TMIGD2: variants seen among roughly 807,000 people sequenced by gnomAD.
The protein encoded by TMIGD2 is transmembrane and immunoglobulin domain containing 2.
TMIGD2 carries 18 observed loss-of-function variants against 22.6 expected under a neutral mutation model. The observed-to-expected ratio is 0.80, with a 90% CI of 0.55 to 1.18. TMIGD2 has a LOEUF of 1.18. TMIGD2 is among the 50% of genes most tolerant of loss of function. The pLI is 0.00. For synonymous variants in TMIGD2, 184 were observed against 154.1 expected (o/e 1.19, Z -1.44); for missense variants, 361 against 378.2 (o/e 0.95, Z 0.38).
chr19:4,297,204 A>C (rs540335100), intron 2 of TMIGD2, among the ~76,000 whole-genome samples: 1 of 150,986 alleles, frequency 6.6e-6, no homozygotes, highest in Non-Finnish European at 1.5e-5. Context: ...AGTAGCTGGA[A>C]TTACAGGCTC....
chr19:4,298,678 G>T (rs1971496614), intron 1 of TMIGD2, among the ~76,000 whole-genome samples: 2 of 152,150 alleles, frequency 1.3e-5, no homozygotes, highest in Non-Finnish European at 2.9e-5. Context: ...CGAGGCTGCG[G>T]TGAGCTATGA....
intron 2 of TMIGD2, among the ~76,000 whole-genome samples, chr19:4,295,095 T>C (rs1416351247): frequency 7.3e-6 from 1 of 136,964 alleles, no homozygotes. Context: ...ACCCCATCTC[T>C]ACAAAAAAAT....
intron 2 of TMIGD2, 108 bp downstream of exon 2, chr19:4,297,878 T>G: frequency 1.5e-6 from 2 of 1,355,842 alleles, no homozygotes; most frequent in Non-Finnish European, 9.7e-7. Context: ...AAAAAAAGTT[T>G]GATATGAAGA....
intron 2 of TMIGD2, 104 bp from the exon 3 acceptor site, chr19:4,294,920 G>T: frequency 8.3e-7 from 1 of 1,207,702 alleles, no homozygotes; most frequent in East Asian, 2.8e-5. Flanking sequence ...GCCAGGCTTT[G>T]TGGATTTGGG....
intron 1 of TMIGD2, among the ~76,000 whole-genome samples, chr19:4,300,843 G>A (rs1423463590): frequency 6.6e-6 from 1 of 152,254 alleles, no homozygotes; most frequent in Admixed American, 6.5e-5. Context: ...GGGAGGAAGG[G>A]TTGGGCAGGG....
At chr19:4,293,025 G>T (rs1971404535) in intron 4 of TMIGD2, 140 bp from the exon 5 acceptor site, 1 of 1,268,072 alleles carries the variant, frequency 7.9e-7, no homozygotes, top group Non-Finnish European at 1.1e-6. Flanking sequence ...GTGCAGTGGC[G>T]CAATCTCGGC....
intron 1 of TMIGD2, among the ~76,000 whole-genome samples, chr19:4,300,951 G>C (rs1027284833): frequency 1.3e-5 from 2 of 150,092 alleles, no homozygotes; most frequent in Admixed American, 6.7e-5. Context: ...GGAAGAAATA[G>C]TCCAATTGAA....
chr19:4,293,710 C>G (rs982761738), intron 4 of TMIGD2, among the ~76,000 whole-genome samples: 11 of 152,032 alleles, frequency 7.2e-5, no homozygotes, highest in African/African-American at 2.7e-4. Context: ...AATCCTCACA[C>G]CTCAGCCTCC....
chr19:4,292,498 A>G, exon 5 of TMIGD2: 2 of 1,250,442 alleles, frequency 1.6e-6, no homozygotes, highest in Admixed American at 1.7e-5. Flanking sequence ...CGGCTTCCCA[A>G]ACTGCTGGGA....
chr19:4,293,427 AT>A lies in TMIGD2; in HGVS notation c.563-543del, dbSNP rs376915075. Among the ~76,000 whole-genome samples, 83 of 145,334 alleles carry A rather than the reference AT, an allele frequency of 5.7e-4. 2 individuals carry two copies. The highest frequency in any genetic ancestry group is 1.9e-3 in the African/African-American group (75 of 38,512). On this transcript the variant is annotated intron_variant, in intron 4 of 4. Transcript: ENST00000301272. ...AAGCCCCCGCTACTACGTCTGGCTA[AT>A]TTTTTGTATTTTTAGCAGAGATGGG...
At chr19:4,292,659 A>G in exon 5 of TMIGD2, 1 of 1,610,306 alleles carries the variant, frequency 6.2e-7, no homozygotes, top group Non-Finnish European at 8.5e-7. Flanking sequence ...GGCTTGGTCT[A>G]GGAGAGACCC....
chr19:4,294,553 CT>C, intron 4 of TMIGD2, 25 bp downstream of exon 4: 1 of 1,609,722 alleles, frequency 6.2e-7, no homozygotes, highest in Non-Finnish European at 8.5e-7. Flanking sequence ...CTCCTCCGCC[CT>C]ACCCTCCCTT....
In TMIGD2 at chr19:4,294,880, A is replaced by ACTTG. The variant is rs1173083829; in HGVS notation, c.407-68_407-65dup. ...TCTCCACCCTCCAAGGACAGAGCTC[A>ACTTG]CTTGGGGGGACCTAAGTGTTCCTCC... On this transcript the variant is annotated intron_variant, in intron 2 of 4. Coordinates refer to ENST00000301272, the Ensembl canonical transcript of TMIGD2. 5.5e-6 allele frequency: 8 copies of ACTTG among 1,448,584 alleles called. No individual in the cohort carries two copies. In the East Asian group the frequency reaches 2.0e-4, roughly 37 times the overall value. The allele number at this position is 1,448,584 out of a possible 1,614,324, so 89.7% of individuals were successfully genotyped here.
At chr19:4,297,432 C>T (rs891639242) in intron 2 of TMIGD2, among the ~76,000 whole-genome samples, 3 of 152,132 alleles carry the variant, frequency 2.0e-5, no homozygotes, top group Non-Finnish European at 4.4e-5. Flanking sequence ...TGCAGTGGTG[C>T]ACTCATAGCT....
At chr19:4,299,577 A>G (rs1971508235) in intron 1 of TMIGD2, among the ~76,000 whole-genome samples, 1 of 150,874 alleles carries the variant, frequency 6.6e-6, no homozygotes, top group Admixed American at 6.6e-5. Flanking sequence ...ATCAAAGTTC[A>G]TTGCAGCCTC....
In TMIGD2 at chr19:4,294,989, G is replaced by A. The variant is rs1181686670; in HGVS notation, c.407-173C>T. Among the ~76,000 whole-genome samples the A allele has an allele frequency of 2.0e-5, 3 of 152,092 alleles. No individual in the cohort carries two copies. In the South Asian group the frequency reaches 6.2e-4, roughly 32 times the overall value. ...TGAAAAATGAGGCTCAGCAGGACGC[G>A]GTGGCTCAGGCCTGTAATCCGAGCA... On this transcript the variant is annotated intron_variant, in intron 2 of 4. Transcript: ENST00000301272.
At chr19:4,292,942 C>T in intron 4 of TMIGD2, 57 bp from the exon 5 acceptor site, 2 of 1,591,420 alleles carry the variant, frequency 1.3e-6, no homozygotes, top group Non-Finnish European at 1.7e-6. Context: ...CCCTCTCCAG[C>T]TGACCTCTGG....
chr19:4,293,701 A>G (rs1173878759), intron 4 of TMIGD2, among the ~76,000 whole-genome samples: 3 of 151,710 alleles, frequency 2.0e-5, no homozygotes, highest in African/African-American at 7.3e-5. Context: ...GGTTCAAGCA[A>G]TCCTCACACC....
Position 4,293,561 on chromosome 19 carries a change from A to ATT in TMIGD2, c.563-678_563-677dup, listed in dbSNP as rs548398108. ...ATGCATGAGCCACTGCACCCGGCCA[A>ATT]TTTTTTTTTTTTTTTAATTTCAAAC... On this transcript the variant is annotated intron_variant, in intron 4 of 4. Transcript: ENST00000301272. 6.1e-3 allele frequency among the ~76,000 whole-genome samples: 861 copies of ATT among 142,108 alleles called. 9 individuals carry two copies. The highest frequency in any genetic ancestry group is 0.04 in the East Asian group (186 of 4,664). The allele number at this position is 142,108 out of a possible 152,430, so 93.2% of individuals were successfully genotyped here.
Sources: allele counts gnomAD v4.1 joint callset (sites outside exome capture counted in the v4.1 genomes callset), GRCh38; gene constraint gnomAD v4.1.1; transcripts MANE v1.5; gene names NCBI Gene and HGNC (gene_info 2026-07-23, HGNC 2026-07-21).